Variants in CFAP96 observed in about 807,000 individuals in gnomAD.
CFAP96 encodes cilia and flagella associated protein 96.
chr4:185,425,920 G>C, the CFAP96 span: 7 of 1,568,740 alleles, frequency 4.5e-6, 1 homozygote, highest in South Asian at 4.7e-5. Context: ...AAAGTTCCGG[G>C]GGCCGGCCCT....
At chr4:185,411,492 A>G in the CFAP96 span, among the ~76,000 whole-genome samples, 2 of 152,246 alleles carry the variant, frequency 1.3e-5, no homozygotes, top group Non-Finnish European at 2.9e-5. Flanking sequence ...TCACGAACAT[A>G]GATGCAAAAA....
At chr4:185,423,914 A>G in the CFAP96 span, among the ~76,000 whole-genome samples, 3 of 152,182 alleles carry the variant, frequency 2.0e-5, no homozygotes, top group East Asian at 1.9e-4. Flanking sequence ...CTCTCAAAAC[A>G]TATCTCTCAA....
At chr4:185,448,735 A>C in the CFAP96 span, among the ~76,000 whole-genome samples, 1 of 152,122 alleles carries the variant, frequency 6.6e-6, no homozygotes, top group Admixed American at 6.5e-5. Context: ...GTAAAATTAG[A>C]ATTTTCCTCA....
At chr4:185,415,891 C>A in the CFAP96 span, 2 of 1,573,424 alleles carry the variant, frequency 1.3e-6, no homozygotes, top group African/African-American at 1.4e-5. Flanking sequence ...CAGTAATAGT[C>A]AACTTGTAGT....
At chr4:185,442,738 C>A in the CFAP96 span, among the ~76,000 whole-genome samples, 132,394 of 152,106 alleles carry the variant, frequency 0.87, 58,078 homozygotes, top group East Asian at 0.99. Context: ...AATAGGAATA[C>A]ATCAGGAACG....
the CFAP96 span, among the ~76,000 whole-genome samples, chr4:185,443,342 A>ATATATATATTTTT: frequency 7.5e-3 from 200 of 26,712 alleles, 5 homozygotes; most frequent in East Asian, 0.01. Flanking sequence ...ATATATATAT[A>ATATATATATTTTT]TTTTTTTTTT....
chr4:185,446,308 C>T, the CFAP96 span, among the ~76,000 whole-genome samples: 1 of 152,136 alleles, frequency 6.6e-6, no homozygotes, highest in Non-Finnish European at 1.5e-5. Flanking sequence ...TACATGAATT[C>T]TTTTGGGAAA....
chr4:185,415,275 C>G, the CFAP96 span: 1 of 1,600,834 alleles, frequency 6.2e-7, no homozygotes, highest in Non-Finnish European at 8.5e-7. Flanking sequence ...ATGTTCCTTT[C>G]ATATATTTCA....
the CFAP96 span, chr4:185,426,390 A>G: frequency 6.5e-6 from 1 of 153,332 alleles, no homozygotes; most frequent in Non-Finnish European, 1.5e-5. Flanking sequence ...GGGTGTCCTC[A>G]AGAAAGGTGA....
the CFAP96 span, among the ~76,000 whole-genome samples, chr4:185,432,738 C>T: frequency 3.9e-5 from 6 of 152,046 alleles, no homozygotes; most frequent in Non-Finnish European, 5.9e-5. Flanking sequence ...AGCAATGTGC[C>T]TGTAGTCCCA....
the CFAP96 span, chr4:185,440,600 C>G: frequency 6.5e-7 from 1 of 1,536,114 alleles, no homozygotes; most frequent in South Asian, 1.2e-5. Flanking sequence ...AAATCTTCAC[C>G]CAAGGGACTA....
At chr4:185,416,964 G>A in the CFAP96 span, among the ~76,000 whole-genome samples, 1 of 152,184 alleles carries the variant, frequency 6.6e-6, no homozygotes, top group Non-Finnish European at 1.5e-5. Flanking sequence ...GATGCTAAAA[G>A]TGGTGGGTCA....
chr4:185,440,032 AT>A, the CFAP96 span, among the ~76,000 whole-genome samples: 38 of 148,328 alleles, frequency 2.6e-4, no homozygotes, highest in African/African-American at 3.5e-4. Flanking sequence ...TATACATATA[AT>A]TTTTTTAATT....
At chr4:185,420,787 T>G in the CFAP96 span, among the ~76,000 whole-genome samples, 1 of 152,214 alleles carries the variant, frequency 6.6e-6, no homozygotes, top group African/African-American at 2.4e-5. Context: ...AGAAGCCCTT[T>G]GTTGAGTGTT....
At chr4:185,434,939 C>T in the CFAP96 span, among the ~76,000 whole-genome samples, 259 of 152,128 alleles carry the variant, frequency 1.7e-3, 3 homozygotes, top group Admixed American at 0.016. Flanking sequence ...ATGGGTTTCG[C>T]CATGTTGGCC....
At chr4:185,411,998 C>T in the CFAP96 span, among the ~76,000 whole-genome samples, 1 of 152,074 alleles carries the variant, frequency 6.6e-6, no homozygotes, top group Non-Finnish European at 1.5e-5. Flanking sequence ...AACACAAAAC[C>T]CATAATAGTT....
chr4:185,430,362 G>T, the CFAP96 span, among the ~76,000 whole-genome samples: 4 of 152,084 alleles, frequency 2.6e-5, no homozygotes, highest in Non-Finnish European at 5.9e-5. Flanking sequence ...AAAAAAGCAA[G>T]GTGCAGAATA....
the CFAP96 span, among the ~76,000 whole-genome samples, chr4:185,441,510 A>T: frequency 6.6e-6 from 1 of 151,806 alleles, no homozygotes; most frequent in Non-Finnish European, 1.5e-5. Flanking sequence ...TAATGATTGG[A>T]TGTAGTCAGA....
chr4:185,420,394 GAAGAC>G, the CFAP96 span, among the ~76,000 whole-genome samples: 2 of 152,114 alleles, frequency 1.3e-5, no homozygotes, highest in Admixed American at 1.3e-4. Flanking sequence ...TATAGTCAAA[GAAGAC>G]AATCTTTCAA....
Sources: allele counts gnomAD v4.1 joint callset (sites outside exome capture counted in the v4.1 genomes callset), GRCh38; gene constraint gnomAD v4.1.1; transcripts MANE v1.5; gene names NCBI Gene and HGNC (gene_info 2026-07-23, HGNC 2026-07-21).